Variants in ADCY3 observed in about 807,000 individuals in gnomAD.
ADCY3 encodes the protein adenylate cyclase type 3.
Under a neutral mutation model 119.4 loss-of-function variants are expected in ADCY3, and 70 were observed. That is an observed-to-expected ratio of 0.59 (90% CI 0.48 to 0.72). The LOEUF (loss-of-function observed/expected upper bound fraction) is 0.72. Ranked by LOEUF, ADCY3 falls within the 30% of genes least tolerant of loss-of-function variation. The pLI is 0.00. For missense variants in ADCY3, 1,238 were observed against 1,541.6 expected (o/e 0.80, Z 3.30); for synonymous variants, 672 against 621.4 (o/e 1.08, Z -1.21).
At position 24,878,245 on chromosome 2, in the gene ADCY3, G is replaced by A. The variant is rs1558489806; in HGVS notation, c.676-5526C>T. On this transcript the variant is annotated intron_variant, in intron 2 of 21. Coordinates refer to ENST00000679454, the MANE Select transcript of ADCY3 (RefSeq NM_004036.5). This position sits in a 1 kb window ranked among gnomAD's most constrained non-coding sequence, Gnocchi z 4.0. ...CCTGATAAAGTGTTTCTAATATCCC[G>A]GCTCAGAACGCAACCATGAGAACAT... Among the ~76,000 whole-genome samples the A allele has an allele frequency of 1.3e-5, 2 of 151,966 alleles. No individual in the cohort carries two copies. Among genetic ancestry groups the A allele is most frequent in the South Asian group, 2.1e-4 (1 of 4,826 alleles).
chr2:24,891,634 G>A (rs770845636), intron 2 of ADCY3, among the ~76,000 whole-genome samples: 8 of 152,208 alleles, frequency 5.3e-5, no homozygotes, highest in Non-Finnish European at 1.0e-4. Flanking sequence ...CGAAGATCTA[G>A]GGTAAGAGCA....
intron 2 of ADCY3, among the ~76,000 whole-genome samples, chr2:24,909,365 G>C (rs537921157): frequency 8.8e-4 from 134 of 152,294 alleles, no homozygotes; most frequent in African/African-American, 3.0e-3. Context: ...AAACATCAGA[G>C]CCAAGCTGCC....
In ADCY3 at chr2:24,842,534, G is replaced by T; in HGVS notation, c.826-150C>A. ...GAGAGACCTCACAGATCTGCCTCGG[G>T]AGCAGCCAGGGGTCTGGGACAGGCA... On this transcript the variant is annotated intron_variant, in intron 3 of 21. Transcript: ENST00000679454. The surrounding 1 kb of genome is among the most constrained non-coding windows in gnomAD (Gnocchi z 4.9). The T allele has an allele frequency of 1.9e-6, 2 of 1,050,290 alleles. No individual in the cohort carries two copies. The highest frequency in any genetic ancestry group is 3.1e-5 in the South Asian group (2 of 63,690). The allele number at this position is 1,050,290 out of a possible 1,614,324, so 65.1% of individuals were successfully genotyped here.
rs1672496999 is a variant in ADCY3 at position 24,852,809 on chromosome 2, G to A, written c.826-10425C>T. 2.0e-5 allele frequency among the ~76,000 whole-genome samples: 3 copies of A among 152,232 alleles called. 1 individual carries two copies. The South Asian group carries it at 6.2e-4, about 32-fold the overall frequency. On this transcript the variant is annotated intron_variant, in intron 3 of 21. Transcript: ENST00000679454. The stretch of plus-strand genomic sequence containing the variant: ...GAGTGGCCGAGCCGGTGCTGGGAGT[G>A]CAGCCCTGGTTCAGCCGAGCCCATC...
intron 11 of ADCY3, among the ~76,000 whole-genome samples, chr2:24,833,627 C>T (rs72792199): frequency 0.14 from 21,091 of 152,264 alleles, 1,507 homozygotes; most frequent in East Asian, 0.22. Context: ...ACCCAAGTTT[C>T]ACGAGAGCAG....
At position 24,918,805 on chromosome 2, in the gene ADCY3, G is replaced by A; in HGVS notation, c.183C>T (p.Ser61=). ...AGTAGGTCTGGTAGAGGTTCTCCAA[G>A]GACTCCGGCACGAAAGTCAGCCGCA... is the stretch of plus-strand genomic sequence containing the variant. ...RFMRLTFVPE[S]LENLYQTYFK... Residue 61 remains serine (S), a synonymous_variant, in exon 2 of 22, where the codon TCC becomes TCT. Transcript: ENST00000679454. This position sits in a 1 kb window ranked among gnomAD's most constrained non-coding sequence, Gnocchi z 5.4. The A allele has an allele frequency of 6.2e-7, 1 of 1,613,848 alleles. No individual in the cohort carries two copies. The highest frequency in any genetic ancestry group is 8.5e-7 in the Non-Finnish European group (1 of 1,180,040).
chr2:24,840,818 T>G (rs1033617509), intron 6 of ADCY3, among the ~76,000 whole-genome samples: 17 of 152,104 alleles, frequency 1.1e-4, no homozygotes, highest in African/African-American at 3.6e-4. Flanking sequence ...GGATCCAGCC[T>G]CATCCCTGAG....
chr2:24,867,244 C>A (rs113208457), intron 3 of ADCY3, among the ~76,000 whole-genome samples: 4,929 of 152,204 alleles, frequency 0.032, 250 homozygotes, highest in African/African-American at 0.11. Flanking sequence ...ATGAAGGAAG[C>A]GGGAAGGATA....
chr2:24,898,086 A>G lies in ADCY3; in HGVS notation c.675+20227T>C, dbSNP rs1678489299. On this transcript the variant is annotated intron_variant, in intron 2 of 21. Coordinates refer to ENST00000679454, the MANE Select transcript of ADCY3 (RefSeq NM_004036.5). The surrounding 1 kb of genome is among the most constrained non-coding windows in gnomAD (Gnocchi z 4.3). ...AGGCTTCTTTGTTACTACTGCACCCAACTCTCCAGTCAGAGGTTCTCCACT... is the reference window on the plus strand; with the variant it reads ...AGGCTTCTTTGTTACTACTGCACCCGACTCTCCAGTCAGAGGTTCTCCACT... 2.0e-5 allele frequency among the ~76,000 whole-genome samples: 3 copies of G among 152,094 alleles called. No individual in the cohort carries two copies. The East Asian group carries it at 5.8e-4, about 29-fold the overall frequency.
In ADCY3 at chr2:24,842,546, G is replaced by A; in HGVS notation, c.826-162C>T. On this transcript the variant is annotated intron_variant, in intron 3 of 21. Coordinates refer to ENST00000679454, the MANE Select transcript of ADCY3 (RefSeq NM_004036.5). This position sits in a 1 kb window ranked among gnomAD's most constrained non-coding sequence, Gnocchi z 4.9. ...AGATCTGCCTCGGGAGCAGCCAGGG[G>A]TCTGGGACAGGCAGCTTCTGGCCCT... is the stretch of plus-strand genomic sequence containing the variant. The A allele has an allele frequency of 2.2e-6, 2 of 911,524 alleles. No homozygotes were observed. Among genetic ancestry groups the A allele is most frequent in the South Asian group, 1.7e-5 (1 of 59,126 alleles). 56.5% of individuals were successfully genotyped at this position (911,524 alleles called of 1,614,324 possible).
chr2:24,828,948 C>T (rs1388228883), intron 13 of ADCY3, among the ~76,000 whole-genome samples: 1 of 152,162 alleles, frequency 6.6e-6, no homozygotes, highest in East Asian at 1.9e-4. Context: ...GGGTAGTGGG[C>T]ACCAGCAACC....
At chr2:24,891,510 T>G (rs1044778563) in intron 2 of ADCY3, among the ~76,000 whole-genome samples, 1 of 152,156 alleles carries the variant, frequency 6.6e-6, no homozygotes, top group African/African-American at 2.4e-5. Context: ...GGCACCAAAG[T>G]ATAAAAGTAG....
intron 2 of ADCY3, among the ~76,000 whole-genome samples, chr2:24,893,921 T>A (rs1677972899): frequency 1.3e-5 from 2 of 152,206 alleles, no homozygotes; most frequent in Admixed American, 1.3e-4. Flanking sequence ...AAACTGAATA[T>A]TTATATCACT....
chr2:24,840,169 G>A (rs1670829934), intron 6 of ADCY3, 138 bp from the exon 7 acceptor site: 3 of 1,195,378 alleles, frequency 2.5e-6, no homozygotes, highest in Admixed American at 2.6e-5. Flanking sequence ...CCACAGCTTG[G>A]TGTTGGGTGG....
chr2:24,872,859 C>T lies in ADCY3; in HGVS notation c.676-140G>A. The T allele has an allele frequency of 2.0e-6, 2 of 983,738 alleles. No homozygotes were observed. 60.9% of individuals were successfully genotyped at this position (983,738 alleles called of 1,614,324 possible). ...AGTTGCCCAATGTCCAGGGAGGGGC[C>T]CAGCACAGCCTTGGACCCCAGAGCC... On this transcript the variant is annotated intron_variant, in intron 2 of 21. Transcript: ENST00000679454. The surrounding 1 kb of genome is among the most constrained non-coding windows in gnomAD (Gnocchi z 4.4).
chr2:24,844,147 G>T (rs542415502), intron 3 of ADCY3, among the ~76,000 whole-genome samples: 1 of 152,326 alleles, frequency 6.6e-6, no homozygotes, highest in Non-Finnish European at 1.5e-5. Flanking sequence ...GGAAGGCAGA[G>T]ATGTGGCTGG....
Position 24,824,438 on chromosome 2 carries a change from G to T in ADCY3, c.2676C>A (p.Val892=). 1.2e-6 allele frequency: 2 copies of T among 1,614,240 alleles called. No individual in the cohort carries two copies. The highest frequency in any genetic ancestry group is 1.7e-6 in the Non-Finnish European group (2 of 1,180,048). ...CCACGTGCTCAGGCAACATGTTGGTGACCAAGGCCTCGTTCCAGCGTCGCA... is the reference window on the plus strand; with the variant it reads ...CCACGTGCTCAGGCAACATGTTGGTTACCAAGGCCTCGTTCCAGCGTCGCA... The part of the protein sequence containing the change: ...YEMRRWNEAL[V]TNMLPEHVAR... The change falls in exon 17 of 22, where the codon GTC becomes GTA. Residue 892 remains valine, a synonymous_variant. Transcript: ENST00000679454.
At chr2:24,825,785 C>T in intron 16 of ADCY3, 1 of 520,998 alleles carries the variant, frequency 1.9e-6, no homozygotes, top group Non-Finnish European at 3.4e-6. Context: ...TGCCTTCACT[C>T]TATCCCCTCC....
chr2:24,822,745 A>T, intron 18 of ADCY3, 115 bp from the exon 19 acceptor site: 1 of 1,387,578 alleles, frequency 7.2e-7, no homozygotes, highest in Non-Finnish European at 9.7e-7. Context: ...ACACTTTCCT[A>T]TCAAAGTTGT....
Sources: gnomAD v4.1 joint callset for allele counts (sites outside exome capture counted in the v4.1 genomes callset) on GRCh38, gnomAD v4.1.1 for gene constraint, Gnocchi (gnomAD v3.1) non-coding constraint, MANE v1.5 for transcripts, NCBI Gene and HGNC (gene_info 2026-07-23, HGNC 2026-07-21) for gene names.